KIAA0586: variants seen among roughly 807,000 people sequenced by gnomAD.
The protein encoded by KIAA0586 is protein TALPID3.
In KIAA0586, 144 loss-of-function variants were observed where a neutral mutation model predicts 169.8. The observed-to-expected ratio is 0.85, with a 90% CI of 0.74 to 0.97. KIAA0586 has a LOEUF of 0.97. Among genes scored for constraint, KIAA0586 ranks in the 50% least tolerant of loss-of-function variants. KIAA0586 has a pLI of 0.00. For synonymous variants in KIAA0586, 625 were observed against 612.4 expected, an observed-to-expected ratio of 1.02 and a Z score of -0.30; for missense variants, 1,854 against 1,823.0, an observed-to-expected ratio of 1.02 and a Z score of -0.31.
intron 29 of KIAA0586, among the ~76,000 whole-genome samples, chr14:58,525,260 G>A (rs1035044129): frequency 6.6e-6 from 1 of 151,888 alleles, no homozygotes; most frequent in African/African-American, 2.4e-5. Flanking sequence ...ATATCTTAGG[G>A]GCCTGGGCAA....
At chr14:58,484,066 GTGAT>G (rs1046692580) in intron 21 of KIAA0586, among the ~76,000 whole-genome samples, 1 of 152,104 alleles carries the variant, frequency 6.6e-6, no homozygotes, top group Non-Finnish European at 1.5e-5. Flanking sequence ...TTTCATGAGG[GTGAT>G]TGGATGAGAA....
intron 18 of KIAA0586, among the ~76,000 whole-genome samples, chr14:58,473,594 C>T (rs780255284): frequency 1.3e-5 from 2 of 152,222 alleles, no homozygotes; most frequent in Non-Finnish European, 2.9e-5. Flanking sequence ...AAAGGAATTA[C>T]TGGGTAATTT....
At chr14:58,519,564 T>C (rs999995835) in intron 29 of KIAA0586, among the ~76,000 whole-genome samples, 5 of 152,256 alleles carry the variant, frequency 3.3e-5, no homozygotes, top group African/African-American at 1.2e-4. Context: ...ATACTATTTA[T>C]TGAATAAGCA....
chr14:58,469,907 G>A (rs2041072245), intron 16 of KIAA0586, among the ~76,000 whole-genome samples: 1 of 152,116 alleles, frequency 6.6e-6, no homozygotes, highest in African/African-American at 2.4e-5. Context: ...GGTGAGGGTT[G>A]GGTAAAACTT....
chr14:58,441,768 G>A (rs542029545), intron 4 of KIAA0586: 1 of 152,538 alleles, frequency 6.6e-6, no homozygotes, highest in Admixed American at 6.5e-5. Flanking sequence ...TGAGTAGCTG[G>A]GATTACAGGC....
At chr14:58,444,223 G>A (rs1168369306) in intron 6 of KIAA0586, 48 bp downstream of exon 6, 8 of 1,207,244 alleles carry the variant, frequency 6.6e-6, no homozygotes, top group Admixed American at 2.0e-5. Context: ...TTATCACTTG[G>A]ATCTCTCAGC....
chr14:58,538,120 C>T (rs1342414498), intron 29 of KIAA0586, among the ~76,000 whole-genome samples: 1 of 152,162 alleles, frequency 6.6e-6, no homozygotes, highest in Non-Finnish European at 1.5e-5. Flanking sequence ...TGTACCACTG[C>T]ACTCCAGCCT....
intron 2 of KIAA0586, among the ~76,000 whole-genome samples, chr14:58,430,381 G>T (rs1032593960): frequency 5.9e-5 from 9 of 152,080 alleles, no homozygotes; most frequent in African/African-American, 1.4e-4. Flanking sequence ...GTGGCAAACT[G>T]GTTTGAGTCT....
rs58851367 is a variant in KIAA0586, at chr14:58,484,924, A to ATT, written c.3145-2057_3145-2056dup. 3.1e-3 allele frequency among the ~76,000 whole-genome samples: 40 copies of ATT among 13,054 alleles called. 7 individuals carry two copies. Among genetic ancestry groups the ATT allele is most frequent in the Non-Finnish European group, 3.9e-3 (29 of 7,524 alleles). The allele number at this position is 13,054 out of a possible 152,430, so 8.6% of individuals were successfully genotyped here. A position where few individuals can be genotyped will look rare whatever the true frequency, so the allele number is the denominator to read the frequency against. Reference sequence around the variant, plus strand: ...TATATATATATATATATATATATATATTTTTTTTTTTTTTTTTTTTTTTTT... The same window carrying ATT: ...TATATATATATATATATATATATATATTTTTTTTTTTTTTTTTTTTTTTTTTT... On this transcript the variant is annotated intron_variant, in intron 21 of 30. Transcript: ENST00000652326.
At chr14:58,471,040 T>TG (rs1435688254) in intron 17 of KIAA0586, among the ~76,000 whole-genome samples, 3 of 151,954 alleles carry the variant, frequency 2.0e-5, no homozygotes, top group Admixed American at 2.0e-4. Context: ...TTAGTAGAGA[T>TG]GGGGTTTCAC....
At chr14:58,473,934 A>G (rs2041416660) in intron 18 of KIAA0586, among the ~76,000 whole-genome samples, 1 of 151,988 alleles carries the variant, frequency 6.6e-6, no homozygotes, top group Admixed American at 6.6e-5. Context: ...AAAGAGATTT[A>G]ATTGGCTCGT....
chr14:58,476,198 G>T (rs978854250), intron 19 of KIAA0586, among the ~76,000 whole-genome samples: 13 of 152,094 alleles, frequency 8.5e-5, no homozygotes, highest in African/African-American at 3.1e-4. Flanking sequence ...TTATAGGTGA[G>T]CTTTATCAAT....
At position 58,521,470 on chromosome 14, in the gene KIAA0586, C is replaced by T. The variant is rs561982139; in HGVS notation, c.4429+8843C>T. ...TTTTGACTTGGACCATGACTTTCAA[C>T]GGGATTATTATGATAGGATGTACAG... On this transcript the variant is annotated intron_variant, in intron 29 of 30. Coordinates refer to ENST00000652326, the MANE Select transcript of KIAA0586 (RefSeq NM_001329943.3). 233 of 760,964 alleles carry T rather than the reference C, an allele frequency of 3.1e-4. 1 individual carries two copies. The highest frequency in any genetic ancestry group is 5.1e-4 in the East Asian group (17 of 33,470). 47.1% of individuals were successfully genotyped at this position (760,964 alleles called of 1,614,324 possible). A position where few individuals can be genotyped will look rare whatever the true frequency, so the allele number is the denominator to read the frequency against.
upstream of KIAA0586, chr14:58,427,496 A>C (rs562502007): frequency 4.1e-4 from 496 of 1,203,398 alleles, 1 homozygote; most frequent in Admixed American, 2.0e-3. Context: ...CTTGGATGAG[A>C]CTGTAGAGCG....
At chr14:58,528,785 A>G (rs147373008) in intron 29 of KIAA0586, among the ~76,000 whole-genome samples, 4 of 152,212 alleles carry the variant, frequency 2.6e-5, no homozygotes, top group Non-Finnish European at 4.4e-5. Flanking sequence ...TAACATCTCA[A>G]TTAAAAGAAC....
chr14:58,504,723 C>T (rs2043811751), intron 27 of KIAA0586, among the ~76,000 whole-genome samples: 1 of 152,100 alleles, frequency 6.6e-6, no homozygotes, highest in Non-Finnish European at 1.5e-5. Context: ...AGGTAAGACA[C>T]CCACACTCAA....
chr14:58,459,592 AC>A (rs2040161699), intron 12 of KIAA0586, among the ~76,000 whole-genome samples: 1 of 152,090 alleles, frequency 6.6e-6, no homozygotes, highest in Non-Finnish European at 1.5e-5. Flanking sequence ...TTGTCCTGCT[AC>A]CCCTGCAACC....
chr14:58,465,797 C>T (rs772996721), intron 14 of KIAA0586, 38 bp from the exon 15 acceptor site: 10 of 1,271,344 alleles, frequency 7.9e-6, no homozygotes, highest in South Asian at 2.8e-5. Context: ...GATATTCTAA[C>T]AATATTTTAA....
At chr14:58,525,929 A>T (rs972215048) in intron 29 of KIAA0586, among the ~76,000 whole-genome samples, 1 of 152,180 alleles carries the variant, frequency 6.6e-6, no homozygotes, top group Admixed American at 6.5e-5. Flanking sequence ...CCCTCAGTGT[A>T]AACAAAGCCG....
Sources: allele counts gnomAD v4.1 joint callset (sites outside exome capture counted in the v4.1 genomes callset), GRCh38; gene constraint gnomAD v4.1.1; transcripts MANE v1.5; gene names NCBI Gene and HGNC (gene_info 2026-07-23, HGNC 2026-07-21).